The following DLGAP1 variants were observed in gnomAD, a reference collection of about 807,000 sequenced individuals.
DLGAP1 encodes disks large-associated protein 1.
A neutral mutation model predicts 90.8 loss-of-function variants in DLGAP1; 11 were observed. That is an observed-to-expected ratio of 0.12 (90% CI 0.08 to 0.20). DLGAP1 has a LOEUF of 0.20. Among genes scored for constraint, DLGAP1 ranks in the 10% least tolerant of loss-of-function variants. The pLI is 1.00. For missense variants in DLGAP1, 1,050 were observed against 1,333.8 expected (o/e 0.79, Z 3.31); for synonymous variants, 558 against 540.7 (o/e 1.03, Z -0.44).
chr18:3,766,143 A>G (rs1315811598), intron 5 of DLGAP1, among the ~76,000 whole-genome samples: 1 of 152,218 alleles, frequency 6.6e-6, no homozygotes, highest in African/African-American at 2.4e-5. Context: ...TGGAAAATTT[A>G]TATCATGCAA....
intron 1 of DLGAP1, among the ~76,000 whole-genome samples, chr18:4,417,505 A>G (rs1285964238): frequency 6.6e-6 from 1 of 152,164 alleles, no homozygotes; most frequent in East Asian, 1.9e-4. Flanking sequence ...TTAGTAAAAA[A>G]TAAGAGTTCT....
chr18:3,534,118 G>T, intron 10 of DLGAP1, 76 bp downstream of exon 10: 2 of 1,489,762 alleles, frequency 1.3e-6, no homozygotes, highest in Non-Finnish European at 1.8e-6. Flanking sequence ...TGGCAGAGAA[G>T]AAAACAACAA....
intron 1 of DLGAP1, among the ~76,000 whole-genome samples, chr18:4,221,433 C>G (rs578029223): frequency 6.6e-6 from 1 of 152,152 alleles, no homozygotes; most frequent in Non-Finnish European, 1.5e-5. Flanking sequence ...TCACTGACAT[C>G]AGGTTTGGTT....
At chr18:3,905,368 A>G (rs1361121355) in intron 3 of DLGAP1, among the ~76,000 whole-genome samples, 1 of 115,568 alleles carries the variant, frequency 8.7e-6, no homozygotes, top group Non-Finnish European at 1.8e-5. Flanking sequence ...CTCCATCTCA[A>G]AAAAAAAAAA....
chr18:4,285,130 C>G (rs937261327), intron 1 of DLGAP1, among the ~76,000 whole-genome samples: 1 of 152,140 alleles, frequency 6.6e-6, no homozygotes, highest in Non-Finnish European at 1.5e-5. Flanking sequence ...TCCTGTTCAT[C>G]ATTTGGATAT....
At chr18:4,418,059 G>C (rs1173888383) in intron 1 of DLGAP1, among the ~76,000 whole-genome samples, 3 of 152,138 alleles carry the variant, frequency 2.0e-5, no homozygotes, top group African/African-American at 7.2e-5. Context: ...TGACAACCCA[G>C]CCTCAATCCT....
At chr18:3,919,255 C>T (rs1408710553) in intron 3 of DLGAP1, among the ~76,000 whole-genome samples, 1 of 152,192 alleles carries the variant, frequency 6.6e-6, no homozygotes, top group Admixed American at 6.5e-5. Flanking sequence ...TACCTATGGG[C>T]AAATTTGTAA....
chr18:3,687,583 C>G (rs1228042764), intron 7 of DLGAP1, among the ~76,000 whole-genome samples: 1 of 152,118 alleles, frequency 6.6e-6, no homozygotes, highest in Non-Finnish European at 1.5e-5. Context: ...AAATGAAGAA[C>G]TAAGTCTTAA....
intron 1 of DLGAP1, among the ~76,000 whole-genome samples, chr18:4,338,401 T>C (rs1409036557): frequency 1.3e-5 from 2 of 152,220 alleles, no homozygotes; most frequent in African/African-American, 4.8e-5. Flanking sequence ...AAATCAATCA[T>C]ACCAAGTGTC....
At chr18:3,947,990 G>A (rs974656537) in intron 3 of DLGAP1, among the ~76,000 whole-genome samples, 2 of 152,168 alleles carry the variant, frequency 1.3e-5, no homozygotes, top group Non-Finnish European at 2.9e-5. Context: ...AAGAAGTGAG[G>A]AGGAGTTGGG....
At chr18:3,545,230 C>T (rs1028990272) in intron 9 of DLGAP1, among the ~76,000 whole-genome samples, 1 of 151,700 alleles carries the variant, frequency 6.6e-6, no homozygotes, top group Non-Finnish European at 1.5e-5. Context: ...GCCGAGATCA[C>T]GCCACTGCAC....
At chr18:4,174,574 C>T (rs534274452) in intron 1 of DLGAP1, among the ~76,000 whole-genome samples, 6 of 152,236 alleles carry the variant, frequency 3.9e-5, no homozygotes, top group African/African-American at 1.4e-4. Flanking sequence ...ATCTCATGAT[C>T]CACCCTCCTC....
At chr18:4,447,424 CAA>C (rs1250691259) in intron 1 of DLGAP1, among the ~76,000 whole-genome samples, 1 of 151,958 alleles carries the variant, frequency 6.6e-6, no homozygotes. Flanking sequence ...AAAAGCAAAA[CAA>C]GACTATATTG....
chr18:4,285,942 TA>T (rs1568491029), intron 1 of DLGAP1, among the ~76,000 whole-genome samples: 1 of 152,148 alleles, frequency 6.6e-6, no homozygotes, highest in African/African-American at 2.4e-5. Flanking sequence ...TTTGCTTTAA[TA>T]ACCTCCTGAT....
chr18:3,634,049 T>C (rs760000584), intron 7 of DLGAP1, among the ~76,000 whole-genome samples: 10 of 152,200 alleles, frequency 6.6e-5, no homozygotes, highest in Non-Finnish European at 1.3e-4. Context: ...ATTATGTATG[T>C]TATGATTCCA....
At chr18:3,860,729 T>G (rs957477118) in intron 4 of DLGAP1, among the ~76,000 whole-genome samples, 1 of 152,180 alleles carries the variant, frequency 6.6e-6, no homozygotes, top group African/African-American at 2.4e-5. Flanking sequence ...TGACGTTTCA[T>G]GGAAAAAGGG....
At chr18:3,888,103 A>G (rs1194640213) in intron 3 of DLGAP1, among the ~76,000 whole-genome samples, 9 of 102,626 alleles carry the variant, frequency 8.8e-5, no homozygotes, top group Admixed American at 2.3e-4. Context: ...GTGAGACTCC[A>G]TCTCAAAAAA....
chr18:3,774,021 T>A (rs1372469253), intron 5 of DLGAP1, among the ~76,000 whole-genome samples: 3 of 152,200 alleles, frequency 2.0e-5, no homozygotes, highest in African/African-American at 7.2e-5. Context: ...TCCCAGCAGC[T>A]GCCACCTCAC....
intron 2 of DLGAP1, among the ~76,000 whole-genome samples, chr18:4,022,998 T>A (rs2074639928): frequency 6.7e-6 from 1 of 149,066 alleles, no homozygotes; most frequent in South Asian, 2.1e-4. Context: ...GAGATTATTT[T>A]CCCAAATAGC....
Sources: allele counts gnomAD v4.1 joint callset (sites outside exome capture counted in the v4.1 genomes callset), GRCh38; gene constraint gnomAD v4.1.1; transcripts MANE v1.5; gene names NCBI Gene and HGNC (gene_info 2026-07-23, HGNC 2026-07-21).